Variants in TIPARP observed in about 807,000 individuals in gnomAD.
The protein encoded by TIPARP is protein mono-ADP-ribosyltransferase TIPARP.
A neutral mutation model predicts 56.5 loss-of-function variants in TIPARP; 12 were observed. The ratio of observed to expected loss-of-function variants is 0.21; its 90% CI spans 0.14 to 0.34. The LOEUF is 0.34. Among genes scored for constraint, TIPARP ranks in the 10% least tolerant of loss-of-function variants. The pLI, the probability that TIPARP is intolerant of heterozygous loss-of-function variation, is 1.00. For synonymous variants in TIPARP, 296 were observed against 265.7 expected, an observed-to-expected ratio of 1.11 and a Z score of -1.11; for missense variants, 604 against 781.6, an observed-to-expected ratio of 0.77 and a Z score of 2.71.
At chr3:156,686,411 T>C (rs1468877466) in intron 2 of TIPARP, among the ~76,000 whole-genome samples, 1 of 152,204 alleles carries the variant, frequency 6.6e-6, no homozygotes, top group Non-Finnish European at 1.5e-5. Context: ...CTCTGTCTTT[T>C]CTCTAGGAAG....
intron 3 of TIPARP, among the ~76,000 whole-genome samples, chr3:156,695,213 T>TATTTATTC (rs1473400950): frequency 6.6e-6 from 1 of 151,190 alleles, no homozygotes; most frequent in African/African-American, 2.4e-5. Flanking sequence ...TTTATTTATT[T>TATTTATTC]ATTTATTTAT....
At chr3:156,690,646 G>GT (rs1319342791) in intron 2 of TIPARP, among the ~76,000 whole-genome samples, 3 of 152,096 alleles carry the variant, frequency 2.0e-5, no homozygotes, top group African/African-American at 7.2e-5. Context: ...TCAGCAGTCT[G>GT]TTCACAAGGT....
chr3:156,686,304 C>T (rs1490631442), intron 2 of TIPARP, among the ~76,000 whole-genome samples: 3 of 152,156 alleles, frequency 2.0e-5, no homozygotes, highest in Non-Finnish European at 4.4e-5. Flanking sequence ...AGAAACTTGG[C>T]TTTGTAGAAT....
At chr3:156,703,827 C>CA (rs1722911047) in intron 5 of TIPARP, 125 bp downstream of exon 5, 2 of 982,432 alleles carry the variant, frequency 2.0e-6, no homozygotes, top group East Asian at 5.8e-5. Context: ...TCCTAGCTAA[C>CA]ACGGTGAAAC....
chr3:156,681,785 C>T (rs1722314913), intron 2 of TIPARP, among the ~76,000 whole-genome samples: 1 of 152,192 alleles, frequency 6.6e-6, no homozygotes, highest in South Asian at 2.1e-4. Flanking sequence ...CATCTACAAA[C>T]GTTCATTGCC....
chr3:156,704,327 CAA>C, intron 5 of TIPARP, among the ~76,000 whole-genome samples: 1 of 152,064 alleles, frequency 6.6e-6, no homozygotes, highest in East Asian at 1.9e-4. Context: ...CCTCTCAAGT[CAA>C]CAAACTAATG....
Position 156,705,335 on chromosome 3 carries a change from A to G in TIPARP, c.*204A>G. 1 of 488,614 alleles carries G rather than the reference A, an allele frequency of 2.0e-6. No individual in the cohort carries two copies. The allele number at this position is 488,614 out of a possible 1,614,324, so 30.3% of individuals were successfully genotyped here. On this transcript the variant is annotated 3_prime_UTR_variant, in exon 6 of 6. Transcript: ENST00000295924. The stretch of plus-strand genomic sequence containing the variant: ...CCACTTACTCTTTAATTATTTACTA[A>G]TTGCTAGTGTACTCAGTGTGGAAAA...
intron 2 of TIPARP, among the ~76,000 whole-genome samples, chr3:156,692,904 G>A (rs1162237785): frequency 6.6e-6 from 1 of 151,894 alleles, no homozygotes; most frequent in East Asian, 1.9e-4. Flanking sequence ...GGAGTGCAGT[G>A]GTGCAACCAC....
At chr3:156,704,447 G>A (rs971358214) in intron 5 of TIPARP, among the ~76,000 whole-genome samples, 2 of 152,208 alleles carry the variant, frequency 1.3e-5, no homozygotes, top group Admixed American at 6.5e-5. Context: ...AAACATAGGA[G>A]AACTCTTAAT....
chr3:156,677,883 T>C lies in TIPARP; in HGVS notation c.186T>C (p.Thr62=), dbSNP rs9883478. The C allele has an allele frequency of 1.9e-6, 3 of 1,614,020 alleles. No homozygotes were observed. The highest frequency in any genetic ancestry group is 3.3e-5 in the Admixed American group (2 of 60,008). The change falls in exon 2 of 6, where the codon ACT becomes ACC. Residue 62 remains threonine (T), a synonymous_variant. Transcript: ENST00000295924. ...TLRSLRPILN[T]LLESGSLDGV... ...GGTCTTTGAGGCCAATATTAAACACTCTTCTAGAATCTGGCTCACTTGATG... is the reference window on the plus strand; with the variant it reads ...GGTCTTTGAGGCCAATATTAAACACCCTTCTAGAATCTGGCTCACTTGATG...
chr3:156,688,194 G>A (rs953533199), intron 2 of TIPARP, among the ~76,000 whole-genome samples: 17 of 152,068 alleles, frequency 1.1e-4, no homozygotes, highest in Non-Finnish European at 2.1e-4. Flanking sequence ...AGGCAACATG[G>A]CGAAACCTTG....
At chr3:156,679,264 G>A (rs908696647) in intron 2 of TIPARP, among the ~76,000 whole-genome samples, 2 of 151,988 alleles carry the variant, frequency 1.3e-5, no homozygotes, top group South Asian at 2.1e-4. Context: ...TTATGGTAAG[G>A]TATGTTTAAT....
chr3:156,681,994 G>C (rs1471867216), intron 2 of TIPARP, among the ~76,000 whole-genome samples: 2 of 152,130 alleles, frequency 1.3e-5, no homozygotes, highest in African/African-American at 4.8e-5. Flanking sequence ...GATGACATTG[G>C]ATGGCAGAAT....
At chr3:156,675,783 G>A (rs1179409870) in intron 1 of TIPARP, 1 of 152,218 alleles carries the variant, frequency 6.6e-6, no homozygotes, top group Non-Finnish European at 1.5e-5. Context: ...CACGAGGTGA[G>A]GGGTGTCGCG....
intron 1 of TIPARP, among the ~76,000 whole-genome samples, chr3:156,677,217 T>A (rs1039142587): frequency 6.6e-6 from 1 of 152,196 alleles, no homozygotes; most frequent in African/African-American, 2.4e-5. Flanking sequence ...TTAAAGAAAC[T>A]TTTTGTCAAC....
chr3:156,705,199 G>A lies in TIPARP; in HGVS notation c.*68G>A, dbSNP rs1018102946. ...AGCATTTGTAGCAGGTTTTGAATGG[G>A]TGGGACTGGGTGGGGAACAGCATTG... On this transcript the variant is annotated 3_prime_UTR_variant, in exon 6 of 6. Coordinates refer to ENST00000295924, the MANE Select transcript of TIPARP (RefSeq NM_015508.5). 1.3e-5 allele frequency: 10 copies of A among 783,490 alleles called. 1 individual carries two copies. The highest frequency in any genetic ancestry group is 9.2e-4 in the Middle Eastern group (2 of 2,176). 48.5% of individuals were successfully genotyped at this position (783,490 alleles called of 1,614,324 possible).
In TIPARP at chr3:156,678,633, T is replaced by G. The variant is rs767237258; in HGVS notation, c.917+19T>G. On this transcript the variant is annotated intron_variant, in intron 2 of 5. Coordinates refer to ENST00000295924, the MANE Select transcript of TIPARP (RefSeq NM_015508.5). ...AGTATGGGTATGTATTTATAACAAC[T>G]TGTAGAACTGTTGTTAAATGCTATA... 210 of 1,589,154 alleles carry G rather than the reference T, an allele frequency of 1.3e-4. No homozygotes were observed. Among genetic ancestry groups the G allele is most frequent in the Non-Finnish European group, 1.8e-4 (205 of 1,165,524 alleles).
intron 2 of TIPARP, among the ~76,000 whole-genome samples, chr3:156,693,747 T>A (rs1366310900): frequency 6.6e-6 from 1 of 152,152 alleles, no homozygotes; most frequent in Non-Finnish European, 1.5e-5. Flanking sequence ...TTATTTTGAT[T>A]GGGTTAGGCC....
rs190015130 is a variant in TIPARP, at chr3:156,705,578, C to T, written c.*447C>T. On this transcript the variant is annotated 3_prime_UTR_variant, in exon 6 of 6. Transcript: ENST00000295924. ...TGGAACTAGTACTACCATGCGTATT[C>T]CCTGTCCAAAGCATCACTGCTTTGG... 1 of 156,490 alleles carries T rather than the reference C, an allele frequency of 6.4e-6. No homozygotes were observed. The highest frequency in any genetic ancestry group is 1.4e-5 in the Non-Finnish European group (1 of 70,516). The allele number at this position is 156,490 out of a possible 1,614,324, so 9.7% of individuals were successfully genotyped here.
Sources: gnomAD v4.1 joint callset for allele counts (sites outside exome capture counted in the v4.1 genomes callset) on GRCh38, gnomAD v4.1.1 for gene constraint, MANE v1.5 for transcripts, NCBI Gene and HGNC (gene_info 2026-07-23, HGNC 2026-07-21) for gene names.